The following TBC1D21 variants were observed in gnomAD, a reference collection of about 807,000 sequenced individuals.
The protein encoded by TBC1D21 is TBC1 domain family member 21.
Under a neutral mutation model 46.0 loss-of-function variants are expected in TBC1D21, and 38 were observed. The ratio of observed to expected loss-of-function variants is 0.83; its 90% CI spans 0.64 to 1.08. TBC1D21 has a LOEUF of 1.08. Among genes scored for constraint, TBC1D21 ranks in the 50% least tolerant of loss-of-function variants. TBC1D21 has a pLI of 0.00. For synonymous variants in TBC1D21, 151 were observed against 157.2 expected (o/e 0.96, Z 0.29); for missense variants, 415 against 417.9 (o/e 0.99, Z 0.06).
chr15:73,905,585 T>C, the TBC1D21 span, among the ~76,000 whole-genome samples: 1 of 152,248 alleles, frequency 6.6e-6, no homozygotes, highest in African/African-American at 2.4e-5. Flanking sequence ...AGTGACATCA[T>C]GTTGATAGCT....
chr15:73,906,335 T>C, the TBC1D21 span, among the ~76,000 whole-genome samples: 2 of 152,048 alleles, frequency 1.3e-5, no homozygotes, highest in Admixed American at 6.6e-5. Context: ...GAGAGAACTA[T>C]GGAAGAAGGA....
At position 73,883,878 on chromosome 15, in the gene TBC1D21, C is replaced by T. The variant is rs137872230; in HGVS notation, c.273-273C>T. 3.0e-3 allele frequency among the ~76,000 whole-genome samples: 462 copies of T among 152,280 alleles called. 5 individuals are homozygous for T. Among genetic ancestry groups the T allele is most frequent in the African/African-American group, 0.011 (440 of 41,554 alleles). On this transcript the variant is annotated intron_variant, in intron 3 of 10. Coordinates refer to ENST00000300504, the MANE Select transcript of TBC1D21 (RefSeq NM_153356.3). ...AAGACTTGCCCCCAGTGGCAGACAC[C>T]CCGTTATTAAGATGTAGAGCCAGGA... is the stretch of plus-strand genomic sequence containing the variant.
intron 1 of TBC1D21, among the ~76,000 whole-genome samples, chr15:73,874,156 ATTTG>A (rs1195207216): frequency 6.6e-6 from 1 of 152,224 alleles, no homozygotes; most frequent in Non-Finnish European, 1.5e-5. Context: ...AGATACAGCT[ATTTG>A]TTAGAAGTCG....
chr15:73,886,930 C>T (rs1165740616), intron 8 of TBC1D21, among the ~76,000 whole-genome samples: 2 of 152,206 alleles, frequency 1.3e-5, no homozygotes, highest in Non-Finnish European at 2.9e-5. Flanking sequence ...GTGGCCTCCC[C>T]ACGCTTTCAC....
chr15:73,878,232 CA>C (rs1213385431), intron 1 of TBC1D21, among the ~76,000 whole-genome samples: 1 of 152,208 alleles, frequency 6.6e-6, no homozygotes, highest in Non-Finnish European at 1.5e-5. Context: ...GTCTCTGTTG[CA>C]ACTACTCAAC....
rs1332394395 is a variant in TBC1D21 at position 73,888,434 on chromosome 15, G to A, written c.899G>A (p.Cys300Tyr). 9.3e-6 allele frequency: 15 copies of A among 1,613,392 alleles called. No individual in the cohort carries two copies. The highest frequency in any genetic ancestry group is 1.3e-5 in the Non-Finnish European group (15 of 1,179,794). The change falls in exon 10 of 11, where the codon TGC becomes TAC. Residue 300 changes from cysteine to tyrosine, a missense_variant. Transcript: ENST00000300504. ...TGCTCCCACACTCCCATGCAGGCCTGCAACAACCTCATCGACCTTGATGCT... is the reference window on the plus strand; with the variant it reads ...TGCTCCCACACTCCCATGCAGGCCTACAACAACCTCATCGACCTTGATGCT... The part of the protein sequence containing the change: ...SMGGDDILLA[C>Y]NNLIDLDADE...
the TBC1D21 span, among the ~76,000 whole-genome samples, chr15:73,902,654 C>A: frequency 6.6e-6 from 1 of 152,242 alleles, no homozygotes; most frequent in Non-Finnish European, 1.5e-5. Flanking sequence ...CTCCCCTCGA[C>A]TGTGCAGTAG....
At chr15:73,906,288 T>C in the TBC1D21 span, among the ~76,000 whole-genome samples, 4 of 152,002 alleles carry the variant, frequency 2.6e-5, no homozygotes, top group African/African-American at 9.7e-5. Context: ...GCTAGGGAAG[T>C]GGGAGACGTA....
chr15:73,892,884 T>A (rs1595830139), downstream of TBC1D21, among the ~76,000 whole-genome samples: 1 of 152,054 alleles, frequency 6.6e-6, no homozygotes, highest in East Asian at 1.9e-4. Flanking sequence ...ATGATGGCGG[T>A]GATGGTGATG....
intron 1 of TBC1D21, among the ~76,000 whole-genome samples, chr15:73,875,276 A>G (rs1219545135): frequency 7.2e-6 from 1 of 139,266 alleles, no homozygotes; most frequent in Admixed American, 7.1e-5. Flanking sequence ...AAGAAGAAGA[A>G]GAAAGAAGGA....
At chr15:73,892,313 G>A (rs1357727200), downstream of TBC1D21, among the ~76,000 whole-genome samples, 8 of 152,244 alleles carry the variant, frequency 5.3e-5, no homozygotes, top group African/African-American at 1.9e-4. Flanking sequence ...GAATGGCAGG[G>A]TTGAAAGAGC....
intron 1 of TBC1D21, among the ~76,000 whole-genome samples, chr15:73,876,712 G>A (rs763591558): frequency 1.3e-5 from 2 of 152,000 alleles, no homozygotes; most frequent in Non-Finnish European, 2.9e-5. Flanking sequence ...CTTTTGTTAC[G>A]GTGTGCGGTG....
chr15:73,879,067 C>T (rs1034941380), intron 1 of TBC1D21, among the ~76,000 whole-genome samples: 17 of 152,174 alleles, frequency 1.1e-4, no homozygotes, highest in Non-Finnish European at 2.1e-4. Context: ...TATTTTGGTT[C>T]AGATGACAGG....
At chr15:73,886,441 C>T in intron 7 of TBC1D21, 71 bp from the exon 8 acceptor site, 1 of 1,386,894 alleles carries the variant, frequency 7.2e-7, no homozygotes, top group Non-Finnish European at 1.0e-6. Context: ...TGTAGTTTGG[C>T]CTCATCTGCA....
downstream of TBC1D21, among the ~76,000 whole-genome samples, chr15:73,893,016 G>T (rs868688749): frequency 6.6e-6 from 1 of 152,178 alleles, no homozygotes; most frequent in African/African-American, 2.4e-5. Context: ...GGTAGTGATG[G>T]TGACATCAGT....
Position 73,884,828 on chromosome 15 carries a change from C to T in TBC1D21, c.415C>T (p.Leu139Phe), listed in dbSNP as rs1248823548. The T allele has an allele frequency of 2.5e-6, 4 of 1,614,188 alleles. No individual in the cohort carries two copies. The East Asian group carries it at 6.7e-5, about 27-fold the overall frequency. Residue 139 changes from leucine (L) to phenylalanine (F), a missense_variant, in exon 5 of 11, where the codon CTC becomes TTC. Transcript: ENST00000300504. The stretch of plus-strand genomic sequence containing the variant: ...TGACAAAGATCCCCTGGGCAACGTC[C>T]TCATCGACAAGAAGAGGCTAGAGAA... The part of the protein sequence containing the change: ...IYDKDPLGNV[L>F]IDKKRLEKIL...
At chr15:73,886,195 G>C in intron 7 of TBC1D21, 21 bp downstream of exon 7, 1 of 1,603,106 alleles carries the variant, frequency 6.2e-7, no homozygotes, top group East Asian at 2.2e-5. Context: ...CCCACCTCCT[G>C]CCACCTCACG....
rs949752575 is a variant in TBC1D21 at position 73,888,312 on chromosome 15, C to T, written c.895-118C>T. ...TGGGGAGAGGTCAGGTGGTCCCCAGCGACTGCTGTGAGCAGCATCCTTCTT... is the reference window on the plus strand; with the variant it reads ...TGGGGAGAGGTCAGGTGGTCCCCAGTGACTGCTGTGAGCAGCATCCTTCTT... On this transcript the variant is annotated intron_variant, in intron 9 of 10. Transcript: ENST00000300504. The T allele has an allele frequency of 4.9e-5, 39 of 801,666 alleles. 3 individuals carry two copies. Among genetic ancestry groups the T allele is most frequent in the South Asian group, 4.7e-4 (29 of 61,304 alleles). 49.7% of individuals were successfully genotyped at this position (801,666 alleles called of 1,614,324 possible).
the TBC1D21 span, among the ~76,000 whole-genome samples, chr15:73,898,176 G>A: frequency 6.6e-6 from 1 of 152,230 alleles, no homozygotes. Context: ...GGCTCACCCA[G>A]GGAGCTGCTG....
Sources: gnomAD v4.1 joint callset for allele counts (sites outside exome capture counted in the v4.1 genomes callset) on GRCh38, gnomAD v4.1.1 for gene constraint, MANE v1.5 for transcripts, NCBI Gene and HGNC (gene_info 2026-07-23, HGNC 2026-07-21) for gene names.